Variants in HPCAL4 observed in about 807,000 individuals in gnomAD.
HPCAL4 encodes the protein hippocalcin like 4.
Under a neutral mutation model 18.2 loss-of-function variants are expected in HPCAL4, and 16 were observed. The observed-to-expected ratio is 0.88, with a 90% CI of 0.59 to 1.33. The LOEUF is 1.33. Among genes scored for constraint, HPCAL4 ranks in the 40% most tolerant of loss-of-function variants. The probability of loss-of-function intolerance (pLI) is 0.00; values close to 1 mark genes in which losing one functional copy is unlikely to be tolerated. For missense variants in HPCAL4, 214 were observed against 256.6 expected, an observed-to-expected ratio of 0.83 and a Z score of 1.14; for synonymous variants, 80 against 97.5, an observed-to-expected ratio of 0.82 and a Z score of 1.06.
At chr1:39,690,851 G>T (rs921143965) in intron 1 of HPCAL4, among the ~76,000 whole-genome samples, 1 of 151,978 alleles carries the variant, frequency 6.6e-6, no homozygotes. Flanking sequence ...GGGGGCAGGG[G>T]CTCCCTGATG....
rs1646594411 is a variant in HPCAL4, at chr1:39,678,658, C to A, written c.*3878G>T. The A allele has an allele frequency of 6.6e-6, 1 of 152,378 alleles. No individual in the cohort carries two copies. Among genetic ancestry groups the A allele is most frequent in the Admixed American group, 6.5e-5 (1 of 15,274 alleles). 9.4% of individuals were successfully genotyped at this position (152,378 alleles called of 1,614,324 possible). Reference sequence around the variant, plus strand: ...AGCAGGAGCCCTCAGCACAGTTGCACCTTTTATTCACTGTCAGTGGGGAAA... The same window carrying A: ...AGCAGGAGCCCTCAGCACAGTTGCAACTTTTATTCACTGTCAGTGGGGAAA... On this transcript the variant is annotated 3_prime_UTR_variant, in exon 4 of 4. Transcript: ENST00000372844.
At chr1:39,689,933 C>G (rs1481333123) in intron 1 of HPCAL4, among the ~76,000 whole-genome samples, 1 of 152,200 alleles carries the variant, frequency 6.6e-6, no homozygotes, top group African/African-American at 2.4e-5. Flanking sequence ...GGTCTTTTCC[C>G]TCTTCTTCTT....
In HPCAL4 at chr1:39,682,422, G is replaced by T. The variant is rs1464659065; in HGVS notation, c.*114C>A. ...GAAGGGCTTGGGCAGAGGACTGGGTGGGCCAGAGAGGGGGGCTGGAGTGTC... is the reference window on the plus strand; with the variant it reads ...GAAGGGCTTGGGCAGAGGACTGGGTTGGCCAGAGAGGGGGGCTGGAGTGTC... On this transcript the variant is annotated 3_prime_UTR_variant, in exon 4 of 4. Coordinates refer to ENST00000372844, the MANE Select transcript of HPCAL4 (RefSeq NM_016257.4). The T allele has an allele frequency of 5.6e-6, 5 of 899,008 alleles. No homozygotes were observed. The African/African-American group carries it at 8.1e-5, about 15-fold the overall frequency. 55.7% of individuals were successfully genotyped at this position (899,008 alleles called of 1,614,324 possible). A position where few individuals can be genotyped will look rare whatever the true frequency, so the allele number is the denominator to read the frequency against.
Position 39,681,455 on chromosome 1 carries a change from C to A in HPCAL4, c.*1081G>T, listed in dbSNP as rs1377679988. The A allele has an allele frequency of 6.6e-6, 1 of 152,182 alleles. No homozygotes were observed. Among genetic ancestry groups the A allele is most frequent in the Non-Finnish European group, 1.5e-5 (1 of 68,036 alleles). 9.4% of individuals were successfully genotyped at this position (152,182 alleles called of 1,614,324 possible). On this transcript the variant is annotated 3_prime_UTR_variant, in exon 4 of 4. Coordinates refer to ENST00000372844, the MANE Select transcript of HPCAL4 (RefSeq NM_016257.4). ...TTTTTCCTGTCCCTGAAGTCAGCAC[C>A]CAACCGGAGTAAGTATGTAGCAGAA...
Position 39,682,391 on chromosome 1 carries a change from G to A in HPCAL4, c.*145C>T. On this transcript the variant is annotated 3_prime_UTR_variant, in exon 4 of 4. Transcript: ENST00000372844. ...GTGGTCCCTCAAAGATCTTGATGGAGGGGAGGAAGGGCTTGGGCAGAGGAC... is the reference window on the plus strand; with the variant it reads ...GTGGTCCCTCAAAGATCTTGATGGAAGGGAGGAAGGGCTTGGGCAGAGGAC... 1 of 671,216 alleles carries A rather than the reference G, an allele frequency of 1.5e-6. No homozygotes were observed. Among genetic ancestry groups the A allele is most frequent in the Non-Finnish European group, 2.6e-6 (1 of 389,250 alleles). 41.6% of individuals were successfully genotyped at this position (671,216 alleles called of 1,614,324 possible). A position where few individuals can be genotyped will look rare whatever the true frequency, so the allele number is the denominator to read the frequency against.
At position 39,680,142 on chromosome 1, in the gene HPCAL4, T is replaced by C. The variant is rs1249041154; in HGVS notation, c.*2394A>G. 6.6e-6 allele frequency: 1 copy of C among 152,540 alleles called. No homozygotes were observed. Among genetic ancestry groups the C allele is most frequent in the Admixed American group, 6.5e-5 (1 of 15,276 alleles). 9.4% of individuals were successfully genotyped at this position (152,540 alleles called of 1,614,324 possible). A position where few individuals can be genotyped will look rare whatever the true frequency, so the allele number is the denominator to read the frequency against. ...TTTTTAGCAGGAAGCCTATAAAGGA[T>C]GAATATCAATGTAACTTGCCCTGCT... is the stretch of plus-strand genomic sequence containing the variant. On this transcript the variant is annotated 3_prime_UTR_variant, in exon 4 of 4. Coordinates refer to ENST00000372844, the MANE Select transcript of HPCAL4 (RefSeq NM_016257.4).
chr1:39,688,432 G>A (rs997316802), intron 1 of HPCAL4, among the ~76,000 whole-genome samples: 7 of 152,104 alleles, frequency 4.6e-5, no homozygotes, highest in Non-Finnish European at 1.0e-4. Flanking sequence ...AAGTCCTGTT[G>A]TCTCTTATTT....
Position 39,684,432 on chromosome 1 carries a change from G to A in HPCAL4, c.162+10C>T, listed in dbSNP as rs371656434. On this transcript the variant is annotated intron_variant, in intron 2 of 3. Transcript: ENST00000372844. ...ACTTGGCTCCCTCACACCAGGTGCCGGCCGCCCACCTTGATGTAGAGCTGC... is the reference window on the plus strand; with the variant it reads ...ACTTGGCTCCCTCACACCAGGTGCCAGCCGCCCACCTTGATGTAGAGCTGC... The A allele has an allele frequency of 1.3e-6, 2 of 1,586,582 alleles. No individual in the cohort carries two copies. The highest frequency in any genetic ancestry group is 2.2e-5 in the East Asian group (1 of 44,536).
At chr1:39,685,352 T>G (rs190482383) in intron 1 of HPCAL4, among the ~76,000 whole-genome samples, 1 of 152,334 alleles carries the variant, frequency 6.6e-6, no homozygotes, top group African/African-American at 2.4e-5. Context: ...CTGGGAAGAT[T>G]GCATTCATTC....
intron 1 of HPCAL4, among the ~76,000 whole-genome samples, chr1:39,686,242 T>C (rs1646674134): frequency 6.6e-6 from 1 of 151,148 alleles, no homozygotes; most frequent in African/African-American, 2.4e-5. Flanking sequence ...TCCCAGATAC[T>C]TGGGAGGCTA....
intron 1 of HPCAL4, among the ~76,000 whole-genome samples, chr1:39,689,057 C>T (rs767561567): frequency 1.6e-4 from 25 of 152,190 alleles, no homozygotes; most frequent in Non-Finnish European, 3.2e-4. Flanking sequence ...AAAAAATCCT[C>T]CAGACCTTTT....
Position 39,684,445 on chromosome 1 carries a change from G to A in HPCAL4, c.159C>T (p.Ile53=). The change falls in exon 2 of 4, where the codon ATC becomes ATT. Residue 53 remains isoleucine, a synonymous_variant. Transcript: ENST00000372844. ...ACACCAGGTGCCGGCCGCCCACCTT[G>A]ATGTAGAGCTGCTGAAACTCCTCCA... is the stretch of plus-strand genomic sequence containing the variant. The part of the protein sequence containing the change: ...LNLEEFQQLY[I]KFFPYGDASK... 1 of 1,577,518 alleles carries A rather than the reference G, an allele frequency of 6.3e-7. No individual in the cohort carries two copies. The highest frequency in any genetic ancestry group is 8.6e-7 in the Non-Finnish European group (1 of 1,163,656).
chr1:39,685,431 ATG>A (rs534247275), intron 1 of HPCAL4, among the ~76,000 whole-genome samples: 1 of 152,188 alleles, frequency 6.6e-6, no homozygotes, highest in Non-Finnish European at 1.5e-5. Flanking sequence ...AAGAAAAGGT[ATG>A]TGTTTTAAAA....
At chr1:39,688,855 T>A (rs763342794) in intron 1 of HPCAL4, among the ~76,000 whole-genome samples, 5 of 152,176 alleles carry the variant, frequency 3.3e-5, no homozygotes, top group Admixed American at 6.5e-5. Flanking sequence ...GAAGCCTGCT[T>A]CCTTATGATC....
At chr1:39,683,784 C>A (rs996867826) in intron 3 of HPCAL4, among the ~76,000 whole-genome samples, 153 bp downstream of exon 3, 4 of 152,160 alleles carry the variant, frequency 2.6e-5, no homozygotes, top group Non-Finnish European at 5.9e-5. Flanking sequence ...TCGGGTAAAG[C>A]ATTTAGCCCG....
intron 1 of HPCAL4, among the ~76,000 whole-genome samples, chr1:39,689,015 G>A (rs1299299686): frequency 6.6e-6 from 1 of 152,070 alleles, no homozygotes. Context: ...TTTGAGACAG[G>A]TCTTTGCATT....
At chr1:39,688,442 T>G (rs1030145701) in intron 1 of HPCAL4, among the ~76,000 whole-genome samples, 10 of 152,186 alleles carry the variant, frequency 6.6e-5, no homozygotes, top group African/African-American at 2.4e-4. Context: ...GTCTCTTATT[T>G]TGAAATGCTC....
intron 1 of HPCAL4, 61 bp from the exon 2 acceptor site, chr1:39,684,672 T>G: frequency 7.1e-7 from 1 of 1,405,402 alleles, no homozygotes; most frequent in Non-Finnish European, 9.4e-7. Flanking sequence ...CAGCCACAGC[T>G]GCCCCCTCCC....
intron 3 of HPCAL4, 65 bp downstream of exon 3, chr1:39,683,872 G>A: frequency 1.4e-6 from 2 of 1,438,558 alleles, no homozygotes; most frequent in South Asian, 1.2e-5. Flanking sequence ...AGAGCAGCGC[G>A]GAGGCAGGGG....
Sources: gnomAD v4.1 joint callset for allele counts (sites outside exome capture counted in the v4.1 genomes callset) on GRCh38, gnomAD v4.1.1 for gene constraint, MANE v1.5 for transcripts, NCBI Gene and HGNC (gene_info 2026-07-23, HGNC 2026-07-21) for gene names.